Variants in FLT3 observed in about 807,000 individuals in gnomAD.
The protein encoded by FLT3 is receptor-type tyrosine-protein kinase FLT3.
Under a neutral mutation model 126.6 loss-of-function variants are expected in FLT3, and 46 were observed. The ratio of observed to expected loss-of-function variants is 0.36; its 90% confidence interval spans 0.29 to 0.46. The LOEUF is 0.46. Ranked by LOEUF, FLT3 falls within the 20% of genes least tolerant of loss-of-function variation. FLT3 has a pLI of 1.00. For synonymous variants in FLT3, 404 were observed against 434.4 expected (o/e 0.93, Z 0.87); for missense variants, 1,069 against 1,190.3 (o/e 0.90, Z 1.50).
chr13:28,018,683 G>C, intron 19 of FLT3, 94 bp from the exon 20 acceptor site: 1 of 1,311,192 alleles, frequency 7.6e-7, no homozygotes, highest in Non-Finnish European at 1.1e-6. Flanking sequence ...AGGAGGTACC[G>C]GTGATGGAAG....
At chr13:28,095,724 G>A (rs112120556) in intron 1 of FLT3, among the ~76,000 whole-genome samples, 403 of 152,258 alleles carry the variant, frequency 2.6e-3, no homozygotes, top group African/African-American at 9.3e-3. Flanking sequence ...TATGTGGGGA[G>A]GCAGCAAGAC....
At chr13:28,074,788 G>A (rs532358445) in intron 1 of FLT3, among the ~76,000 whole-genome samples, 12 of 152,080 alleles carry the variant, frequency 7.9e-5, no homozygotes, top group South Asian at 4.2e-4. Context: ...CAACTGGTGC[G>A]CACCACCATA....
intron 20 of FLT3, among the ~76,000 whole-genome samples, chr13:28,017,534 G>A (rs1030356275): frequency 1.2e-4 from 18 of 151,922 alleles, no homozygotes; most frequent in African/African-American, 3.6e-4. Context: ...GCCAGGTATT[G>A]TAATTCTTTA....
intron 1 of FLT3, among the ~76,000 whole-genome samples, chr13:28,083,240 A>G (rs564740878): frequency 1.4e-4 from 22 of 152,326 alleles, no homozygotes; most frequent in African/African-American, 5.1e-4. Context: ...ATAATCAGAT[A>G]GACTTGGTTT....
rs376280703 is a variant in FLT3 at position 28,070,540 on chromosome 13, T to C, written c.116A>G (p.Asn39Ser). The change falls in exon 2 of 24, where the codon AAT becomes AGT. Residue 39 changes from asparagine to serine, a missense_variant. By Grantham distance (46) the Asn-to-Ser change is conservative (BLOSUM62 1). Coordinates refer to ENST00000241453, the MANE Select transcript of FLT3 (RefSeq NM_004119.3). ...DLPVIKCVLI[N>S]HKNNDSSVGK... is the part of the protein sequence containing the mutation. ...CACTGATGAATCATTGTTCTTATGA[T>C]TGATTAAAACACACTTGATCACAGG... 3 of 1,607,048 alleles carry C rather than the reference T, an allele frequency of 1.9e-6. No homozygotes were observed. The African/African-American group carries it at 4.0e-5, about 21-fold the overall frequency.
At chr13:28,079,015 G>GT (rs1337340536) in intron 1 of FLT3, among the ~76,000 whole-genome samples, 3 of 152,038 alleles carry the variant, frequency 2.0e-5, no homozygotes, top group African/African-American at 7.2e-5. Context: ...CCCGGCCTGG[G>GT]TTTTTCTTTT....
Position 28,004,175 on chromosome 13 carries a change from C to G in FLT3, c.2860-1G>C, listed in dbSNP as rs756072254. ...CACGGCCATCCACATTCTGATACAT[C>G]TGAATGTGGGAAAGAGACAGAACAC... On this transcript the variant is annotated splice_acceptor_variant, in intron 23 of 23. Transcript: ENST00000241453. LOFTEE classifies it high-confidence loss of function. The G allele has an allele frequency of 6.2e-7, 1 of 1,613,998 alleles. No individual in the cohort carries two copies. Among genetic ancestry groups the G allele is most frequent in the East Asian group, 2.2e-5 (1 of 44,886 alleles).
At chr13:28,070,407 T>C in intron 2 of FLT3, 84 bp downstream of exon 2, 2 of 1,163,120 alleles carry the variant, frequency 1.7e-6, no homozygotes, top group East Asian at 2.4e-5. Context: ...GAGAAGCCCA[T>C]TTAGCCATGG....
chr13:28,043,771 A>C (rs1347886353), intron 9 of FLT3, among the ~76,000 whole-genome samples: 3 of 152,034 alleles, frequency 2.0e-5, no homozygotes, highest in African/African-American at 4.8e-5. Context: ...ACTTGAGCCC[A>C]GGAGTTAGAA....
chr13:28,022,732 G>A (rs1016578402), intron 19 of FLT3, among the ~76,000 whole-genome samples: 4 of 152,188 alleles, frequency 2.6e-5, no homozygotes, highest in African/African-American at 9.6e-5. Context: ...AGTGGGCTAT[G>A]ATCTGCTTAT....
Position 28,035,737 on chromosome 13 carries a change from T to C in FLT3, c.1419-64A>G. 3 of 1,513,614 alleles carry C rather than the reference T, an allele frequency of 2.0e-6. No individual in the cohort carries two copies. The South Asian group carries it at 3.8e-5, about 19-fold the overall frequency. 93.8% of individuals were successfully genotyped at this position (1,513,614 alleles called of 1,614,324 possible). On this transcript the variant is annotated intron_variant, in intron 11 of 23. Coordinates refer to ENST00000241453, the MANE Select transcript of FLT3 (RefSeq NM_004119.3). ...TGTCATCAGATTGGAAGTTAGGATT[T>C]CTGCAGCGAGTTCTAAAAGAGATTC...
At chr13:28,090,050 CT>C (rs979340358) in intron 1 of FLT3, among the ~76,000 whole-genome samples, 2 of 150,670 alleles carry the variant, frequency 1.3e-5, no homozygotes, top group African/African-American at 4.9e-5. Context: ...CGTGAGGGAA[CT>C]TTTTTTTTAG....
chr13:28,050,310 GT>G, intron 5 of FLT3, 88 bp from the exon 6 acceptor site: 1 of 1,280,832 alleles, frequency 7.8e-7, no homozygotes. Context: ...TCTAGAGCCA[GT>G]TTTAAGGGTC....
Position 28,025,376 on chromosome 13 carries a change from C to T in FLT3, c.2208-433G>A, listed in dbSNP as rs867739900. On this transcript the variant is annotated intron_variant, in intron 17 of 23. Transcript: ENST00000241453. ...GTCCCGTAAGCGTTTCACCATCCTT[C>T]TTTTTTCCAGTTTGCCTTTGTAAAG... is the stretch of plus-strand genomic sequence containing the variant. 12 of 453,616 alleles carry T rather than the reference C, an allele frequency of 2.6e-5. No individual in the cohort carries two copies. The Middle Eastern group carries it at 9.7e-4, about 37-fold the overall frequency. The allele number at this position is 453,616 out of a possible 1,614,324, so 28.1% of individuals were successfully genotyped here. A position where few individuals can be genotyped will look rare whatever the true frequency, so the allele number is the denominator to read the frequency against.
chr13:28,047,756 T>G (rs1032473541), intron 9 of FLT3, among the ~76,000 whole-genome samples: 2 of 151,834 alleles, frequency 1.3e-5, no homozygotes, highest in African/African-American at 4.8e-5. Flanking sequence ...GAAAATTTGT[T>G]GTTCTTAAAA....
intron 1 of FLT3, among the ~76,000 whole-genome samples, chr13:28,097,251 GA>G (rs2137837950): frequency 6.6e-6 from 1 of 150,634 alleles, no homozygotes; most frequent in East Asian, 2.0e-4. Context: ...AGGAAGGAAG[GA>G]AAGAAGGAAG....
chr13:28,031,630 G>A (rs1873358022), intron 15 of FLT3, among the ~76,000 whole-genome samples: 2 of 152,166 alleles, frequency 1.3e-5, no homozygotes, highest in Admixed American at 1.3e-4. Flanking sequence ...TGAGACAGAG[G>A]AAGTGGTGTT....
At chr13:28,089,745 T>C (rs1878906625) in intron 1 of FLT3, among the ~76,000 whole-genome samples, 1 of 151,486 alleles carries the variant, frequency 6.6e-6, no homozygotes, top group East Asian at 1.9e-4. Flanking sequence ...GAACTTTTTT[T>C]TTTTTTTGAG....
chr13:28,080,850 T>A (rs137981504), intron 1 of FLT3, among the ~76,000 whole-genome samples: 1 of 152,324 alleles, frequency 6.6e-6, no homozygotes, highest in South Asian at 2.1e-4. Flanking sequence ...GTTTTGCACA[T>A]GAATATGCCA....
Sources: allele counts gnomAD v4.1 joint callset (sites outside exome capture counted in the v4.1 genomes callset), GRCh38; gene constraint gnomAD v4.1.1; transcripts MANE v1.5; gene names NCBI Gene and HGNC (gene_info 2026-07-23, HGNC 2026-07-21).